LRRC3B: variants seen among roughly 807,000 people sequenced by gnomAD.
The protein encoded by LRRC3B is leucine-rich repeat-containing protein 3B.
In LRRC3B, 2 loss-of-function variants were observed where a neutral mutation model predicts 12.8. That is an observed-to-expected ratio of 0.16 (90% confidence interval 0.06 to 0.49). The LOEUF is 0.49. LRRC3B is among the 20% of genes least tolerant of loss of function. The pLI is 0.96. For synonymous variants in LRRC3B, 132 were observed against 122.0 expected (o/e 1.08, Z -0.54); for missense variants, 189 against 319.4 (o/e 0.59, Z 3.11).
At chr3:26,632,376 A>G (rs949923953) in intron 1 of LRRC3B, among the ~76,000 whole-genome samples, 1 of 152,198 alleles carries the variant, frequency 6.6e-6, no homozygotes, top group African/African-American at 2.4e-5. Flanking sequence ...ATCCTTGTTT[A>G]GCAATGGGCA....
At chr3:26,655,361 C>T (rs1485558049) in intron 1 of LRRC3B, among the ~76,000 whole-genome samples, 1 of 152,142 alleles carries the variant, frequency 6.6e-6, no homozygotes, top group Non-Finnish European at 1.5e-5. Flanking sequence ...CGCTCTGAAG[C>T]TCTGTTAAAG....
At chr3:26,675,894 G>C (rs1699848271) in intron 1 of LRRC3B, among the ~76,000 whole-genome samples, 1 of 150,978 alleles carries the variant, frequency 6.6e-6, no homozygotes, top group African/African-American at 2.4e-5. Flanking sequence ...AATGGTGGTA[G>C]TTGGTAAAAT....
intron 1 of LRRC3B, among the ~76,000 whole-genome samples, chr3:26,704,917 C>G (rs186732711): frequency 1.3e-5 from 2 of 151,582 alleles, no homozygotes; most frequent in African/African-American, 4.9e-5. Context: ...TCCTGTTTTG[C>G]TATCTATTTC....
chr3:26,651,946 A>G (rs1014078480), intron 1 of LRRC3B, among the ~76,000 whole-genome samples: 2 of 152,188 alleles, frequency 1.3e-5, no homozygotes, highest in African/African-American at 4.8e-5. Flanking sequence ...GAGAAATGAC[A>G]TCATATCTCA....
At chr3:26,623,964 A>C (rs1046500713) in intron 1 of LRRC3B, 2 of 152,318 alleles carry the variant, frequency 1.3e-5, no homozygotes, top group Non-Finnish European at 2.9e-5. Flanking sequence ...GGAAATGAAA[A>C]GGTACTGCTA....
At chr3:26,674,474 G>A (rs1306319850) in intron 1 of LRRC3B, among the ~76,000 whole-genome samples, 1 of 151,220 alleles carries the variant, frequency 6.6e-6, no homozygotes, top group Admixed American at 6.6e-5. Flanking sequence ...CTTATAAAAA[G>A]GAAAGAAGGT....
chr3:26,644,814 A>T (rs1188561626), intron 1 of LRRC3B, among the ~76,000 whole-genome samples: 3 of 152,228 alleles, frequency 2.0e-5, no homozygotes, highest in Non-Finnish European at 4.4e-5. Flanking sequence ...ATATTGAACT[A>T]TTTGAGGATG....
At chr3:26,672,906 G>T (rs1699780435) in intron 1 of LRRC3B, among the ~76,000 whole-genome samples, 1 of 152,168 alleles carries the variant, frequency 6.6e-6, no homozygotes, top group African/African-American at 2.4e-5. Context: ...CACCAGATCA[G>T]CTGTACAGAA....
At chr3:26,659,728 T>C (rs1699455233) in intron 1 of LRRC3B, among the ~76,000 whole-genome samples, 2 of 152,186 alleles carry the variant, frequency 1.3e-5, no homozygotes, top group South Asian at 2.1e-4. Flanking sequence ...GTTTAGGTTT[T>C]CTGAAAATAG....
chr3:26,632,103 G>C (rs998860605), intron 1 of LRRC3B, among the ~76,000 whole-genome samples: 4 of 152,184 alleles, frequency 2.6e-5, no homozygotes, highest in Admixed American at 2.0e-4. Context: ...AAAAGGATGA[G>C]GGGGAGTGAC....
intron 1 of LRRC3B, chr3:26,624,869 G>C (rs147322704): frequency 2.6e-5 from 4 of 152,208 alleles, no homozygotes; most frequent in Admixed American, 6.5e-5. Context: ...GACCGTTTGC[G>C]GGAGGGGGCT....
At chr3:26,670,392 T>C (rs1396661240) in intron 1 of LRRC3B, among the ~76,000 whole-genome samples, 2 of 152,238 alleles carry the variant, frequency 1.3e-5, no homozygotes, top group Non-Finnish European at 2.9e-5. Context: ...TAATAGATTA[T>C]ACAGTGAAAT....
chr3:26,680,192 G>A (rs542815691), intron 1 of LRRC3B, among the ~76,000 whole-genome samples: 105 of 152,218 alleles, frequency 6.9e-4, no homozygotes, highest in African/African-American at 2.2e-3. Flanking sequence ...TACAAAGCCC[G>A]CCCGACAGGC....
chr3:26,675,668 T>C (rs1332376952), intron 1 of LRRC3B, among the ~76,000 whole-genome samples: 1 of 152,230 alleles, frequency 6.6e-6, no homozygotes, highest in Non-Finnish European at 1.5e-5. Flanking sequence ...TATATGCATA[T>C]ATTTGAATAT....
chr3:26,678,304 G>A (rs895356538), intron 1 of LRRC3B, among the ~76,000 whole-genome samples: 1 of 151,926 alleles, frequency 6.6e-6, no homozygotes, highest in African/African-American at 2.4e-5. Flanking sequence ...GACCAGCCTG[G>A]TCAACATGAC....
intron 1 of LRRC3B, among the ~76,000 whole-genome samples, chr3:26,679,770 G>A (rs1018871507): frequency 6.6e-6 from 1 of 152,188 alleles, no homozygotes; most frequent in South Asian, 2.1e-4. Context: ...AACCTTGTCT[G>A]TTGTGTTCTC....
chr3:26,680,765 A>T (rs544945099), intron 1 of LRRC3B, among the ~76,000 whole-genome samples: 1 of 152,220 alleles, frequency 6.6e-6, no homozygotes, highest in African/African-American at 2.4e-5. Flanking sequence ...GTCTCCAACA[A>T]CTTTGTTTCA....
intron 1 of LRRC3B, among the ~76,000 whole-genome samples, chr3:26,634,447 A>T (rs1434007713): frequency 6.6e-6 from 1 of 152,170 alleles, no homozygotes; most frequent in Non-Finnish European, 1.5e-5. Context: ...TTTCCCCTTT[A>T]TTCTGTTAAA....
intron 1 of LRRC3B, among the ~76,000 whole-genome samples, chr3:26,642,085 C>A (rs564514577): frequency 6.6e-6 from 1 of 152,184 alleles, no homozygotes; most frequent in South Asian, 2.1e-4. Flanking sequence ...TAGTTCTGCA[C>A]GTCTCCTTCA....
Sources: allele counts gnomAD v4.1 joint callset (sites outside exome capture counted in the v4.1 genomes callset), GRCh38; gene constraint gnomAD v4.1.1; transcripts MANE v1.5; gene names NCBI Gene and HGNC (gene_info 2026-07-23, HGNC 2026-07-21).